PGCKA1: variants seen among roughly 807,000 people sequenced by gnomAD.
The protein encoded by PGCKA1 is PDCD10 and GCKIII kinases associated 1.
At chr4:37,491,450 T>A in the PGCKA1 span, among the ~76,000 whole-genome samples, 1 of 152,174 alleles carries the variant, frequency 6.6e-6, no homozygotes, top group East Asian at 1.9e-4. Flanking sequence ...ATCCCTGGAG[T>A]TAGTTTTTTT....
the PGCKA1 span, among the ~76,000 whole-genome samples, chr4:37,518,380 TCCCACCAACAG>T: frequency 1.3e-5 from 2 of 152,194 alleles, no homozygotes; most frequent in Non-Finnish European, 1.5e-5. Flanking sequence ...TAATTTACAT[TCCCACCAACAG>T]TGTATGCAGG....
At chr4:37,509,967 G>C in the PGCKA1 span, among the ~76,000 whole-genome samples, 1 of 134,374 alleles carries the variant, frequency 7.4e-6, no homozygotes, top group South Asian at 2.3e-4. Flanking sequence ...GAGAGGGAGC[G>C]GGAGACCGTG....
chr4:37,578,497 A>G, the PGCKA1 span, among the ~76,000 whole-genome samples: 5 of 152,104 alleles, frequency 3.3e-5, no homozygotes, highest in African/African-American at 1.2e-4. Context: ...TGAAAAATCT[A>G]TTCAGCCACT....
the PGCKA1 span, among the ~76,000 whole-genome samples, chr4:37,572,068 T>TTTTTTTTC: frequency 0.018 from 1,933 of 109,636 alleles, 60 homozygotes; most frequent in African/African-American, 0.065. Flanking sequence ...TTTTTCTTTT[T>TTTTTTTTC]TTTTTTTTTT....
chr4:37,536,607 A>C, the PGCKA1 span, among the ~76,000 whole-genome samples: 3 of 152,164 alleles, frequency 2.0e-5, no homozygotes, highest in African/African-American at 7.2e-5. Context: ...TAGGTTTCTC[A>C]TCAGGTACTT....
At chr4:37,506,852 G>A in the PGCKA1 span, among the ~76,000 whole-genome samples, 5 of 152,114 alleles carry the variant, frequency 3.3e-5, no homozygotes, top group African/African-American at 1.2e-4. Context: ...CTATGTGGAA[G>A]ATCTGTCCAA....
chr4:37,536,983 C>T, the PGCKA1 span, among the ~76,000 whole-genome samples: 8 of 152,294 alleles, frequency 5.3e-5, no homozygotes, highest in Admixed American at 3.3e-4. Context: ...GGCAGAGTGA[C>T]GGACTCATGG....
At chr4:37,457,785 A>C in the PGCKA1 span, among the ~76,000 whole-genome samples, 7 of 152,202 alleles carry the variant, frequency 4.6e-5, no homozygotes, top group African/African-American at 1.7e-4. Flanking sequence ...TCACATACTT[A>C]AGATTCCCAC....
the PGCKA1 span, among the ~76,000 whole-genome samples, chr4:37,565,531 A>G: frequency 6.6e-6 from 1 of 152,156 alleles, no homozygotes; most frequent in African/African-American, 2.4e-5. Flanking sequence ...GCTCTTCCAC[A>G]GAGTTATTGT....
At chr4:37,499,400 T>A in the PGCKA1 span, among the ~76,000 whole-genome samples, 1 of 152,238 alleles carries the variant, frequency 6.6e-6, no homozygotes, top group African/African-American at 2.4e-5. Flanking sequence ...CTCTTCTTTG[T>A]ACATCTCATA....
At chr4:37,528,158 A>G in the PGCKA1 span, among the ~76,000 whole-genome samples, 1 of 152,194 alleles carries the variant, frequency 6.6e-6, no homozygotes. Context: ...GGAAGTTAGC[A>G]CTGGGCTTGT....
chr4:37,549,477 G>A, the PGCKA1 span, among the ~76,000 whole-genome samples: 7 of 152,164 alleles, frequency 4.6e-5, no homozygotes, highest in East Asian at 1.9e-4. Flanking sequence ...TGGCAGCAAC[G>A]GCCCTGTTAG....
At chr4:37,484,318 C>G in the PGCKA1 span, among the ~76,000 whole-genome samples, 1 of 152,006 alleles carries the variant, frequency 6.6e-6, no homozygotes, top group East Asian at 1.9e-4. Context: ...GAATGAGAAC[C>G]AAGCAAAAAG....
the PGCKA1 span, among the ~76,000 whole-genome samples, chr4:37,565,376 G>C: frequency 2.6e-5 from 4 of 152,142 alleles, no homozygotes; most frequent in Non-Finnish European, 5.9e-5. Flanking sequence ...ATGTAGAAGG[G>C]GGGGCTCTGA....
At chr4:37,461,651 GTT>G in the PGCKA1 span, among the ~76,000 whole-genome samples, 2 of 151,986 alleles carry the variant, frequency 1.3e-5, no homozygotes, top group African/African-American at 2.4e-5. Flanking sequence ...GTAGGGGTGC[GTT>G]TTTGGCAGTA....
At chr4:37,565,922 T>C in the PGCKA1 span, among the ~76,000 whole-genome samples, 4 of 152,120 alleles carry the variant, frequency 2.6e-5, no homozygotes, top group Non-Finnish European at 5.9e-5. Context: ...CAGAAAAACG[T>C]CAAAAGGTGA....
the PGCKA1 span, among the ~76,000 whole-genome samples, chr4:37,587,929 A>G: frequency 1.3e-5 from 2 of 152,168 alleles, no homozygotes; most frequent in African/African-American, 4.8e-5. Context: ...AGATTGCGCC[A>G]CTGCACTCCA....
chr4:37,458,973 TA>T, the PGCKA1 span, among the ~76,000 whole-genome samples: 1 of 152,188 alleles, frequency 6.6e-6, no homozygotes, highest in Non-Finnish European at 1.5e-5. Flanking sequence ...CCAGACATGT[TA>T]GTCTGGATTA....
the PGCKA1 span, among the ~76,000 whole-genome samples, chr4:37,485,599 A>T: frequency 6.6e-6 from 1 of 152,236 alleles, no homozygotes; most frequent in South Asian, 2.1e-4. Context: ...ATTCTGTTGT[A>T]GCAGCACAAA....
Sources: gnomAD v4.1 joint callset for allele counts (sites outside exome capture counted in the v4.1 genomes callset) on GRCh38, gnomAD v4.1.1 for gene constraint, MANE v1.5 for transcripts, NCBI Gene and HGNC (gene_info 2026-07-23, HGNC 2026-07-21) for gene names.